PARD3B: variants seen among roughly 807,000 people sequenced by gnomAD.
The protein encoded by PARD3B is partitioning defective 3 homolog B.
PARD3B carries 103 observed loss-of-function variants against 130.2 expected under a neutral mutation model. That is an observed-to-expected ratio of 0.79 (90% CI 0.67 to 0.93). The LOEUF (loss-of-function observed/expected upper bound fraction) is 0.93, where lower values mean the gene tolerates loss of function less well. PARD3B is among the 40% of genes least tolerant of loss of function. PARD3B has a pLI of 0.00. For missense variants in PARD3B, 1,609 were observed against 1,499.2 expected, an observed-to-expected ratio of 1.07 and a Z score of -1.21; for synonymous variants, 583 against 553.2, an observed-to-expected ratio of 1.05 and a Z score of -0.76.
intron 16 of PARD3B, among the ~76,000 whole-genome samples, chr2:205,248,182 A>G (rs1204736114): frequency 6.6e-6 from 1 of 152,028 alleles, no homozygotes; most frequent in African/African-American, 2.4e-5. Flanking sequence ...GGCTCAAGCA[A>G]TCCACCTGCC....
chr2:205,037,230 G>A (rs1245995489), intron 3 of PARD3B, among the ~76,000 whole-genome samples: 1 of 147,310 alleles, frequency 6.8e-6, no homozygotes, highest in Non-Finnish European at 1.5e-5. Context: ...TATGTATATA[G>A]TGGACTGTGT....
chr2:204,849,380 T>C (rs2044612148), intron 2 of PARD3B, among the ~76,000 whole-genome samples: 2 of 152,224 alleles, frequency 1.3e-5, no homozygotes, highest in African/African-American at 4.8e-5. Context: ...CTAACAGCCA[T>C]TCAGCATTGC....
chr2:205,234,555 A>C (rs2038978741), intron 15 of PARD3B, among the ~76,000 whole-genome samples: 1 of 152,228 alleles, frequency 6.6e-6, no homozygotes. Context: ...AAAATACATC[A>C]AACAACAGGA....
chr2:205,493,286 G>A (rs140068935), intron 20 of PARD3B, among the ~76,000 whole-genome samples: 1 of 152,174 alleles, frequency 6.6e-6, no homozygotes, highest in East Asian at 1.9e-4. Flanking sequence ...AAGCTGGGAT[G>A]ATTTTTAGCT....
intron 18 of PARD3B, among the ~76,000 whole-genome samples, chr2:205,376,471 C>CCAAG (rs2045058756): frequency 2.8e-5 from 4 of 144,570 alleles, no homozygotes; most frequent in Admixed American, 2.7e-4. Flanking sequence ...TGGGAGAAGC[C>CCAAG]CAAGCAAACA....
chr2:204,742,428 A>C (rs1490570056), intron 2 of PARD3B, among the ~76,000 whole-genome samples: 1 of 152,140 alleles, frequency 6.6e-6, no homozygotes, highest in Non-Finnish European at 1.5e-5. Context: ...GATGGGCAAG[A>C]GATGTGAAGA....
chr2:204,835,443 C>T (rs1255501956), intron 2 of PARD3B, among the ~76,000 whole-genome samples: 4 of 152,136 alleles, frequency 2.6e-5, no homozygotes, highest in Non-Finnish European at 5.9e-5. Flanking sequence ...ATTGATCCCT[C>T]CCTGCCCCTC....
At chr2:205,156,713 A>T (rs1029325599) in intron 10 of PARD3B, among the ~76,000 whole-genome samples, 1 of 152,170 alleles carries the variant, frequency 6.6e-6, no homozygotes, top group African/African-American at 2.4e-5. Context: ...GTTGTGAAGC[A>T]TAAGTGTATT....
At chr2:205,129,015 A>G (rs768931502) in intron 10 of PARD3B, among the ~76,000 whole-genome samples, 2 of 152,224 alleles carry the variant, frequency 1.3e-5, no homozygotes, top group Non-Finnish European at 2.9e-5. Flanking sequence ...TGCAACTGTG[A>G]GATTATGAGT....
chr2:205,572,508 G>A lies in PARD3B; in HGVS notation c.3260+19105G>A, dbSNP rs567462031. Among the ~76,000 whole-genome samples the A allele has an allele frequency of 6.6e-6, 1 of 152,304 alleles. No individual in the cohort carries two copies. Among genetic ancestry groups the A allele is most frequent in the East Asian group, 1.9e-4 (1 of 5,182 alleles). Reference sequence around the variant, plus strand: ...GCCTGTAATCCCAGCACTTTGGGAGGCCAAGGCAGGCGGATTGCCTGAGCT... The same window carrying A: ...GCCTGTAATCCCAGCACTTTGGGAGACCAAGGCAGGCGGATTGCCTGAGCT... On this transcript the variant is annotated intron_variant, in intron 22 of 22. Transcript: ENST00000406610. The surrounding 1 kb of genome is among the most constrained non-coding windows in gnomAD (Gnocchi z 4.2).
intron 2 of PARD3B, among the ~76,000 whole-genome samples, chr2:204,872,774 C>T (rs2045678219): frequency 6.6e-6 from 1 of 152,146 alleles, no homozygotes; most frequent in Admixed American, 6.5e-5. Context: ...GCAGATACTA[C>T]ATAAACCAAA....
chr2:205,590,080 T>A lies in PARD3B; in HGVS notation c.3261-25376T>A, dbSNP rs2054330304. Among the ~76,000 whole-genome samples the A allele has an allele frequency of 6.6e-6, 1 of 152,184 alleles. No individual in the cohort carries two copies. Among genetic ancestry groups the A allele is most frequent in the Non-Finnish European group, 1.5e-5 (1 of 68,038 alleles). On this transcript the variant is annotated intron_variant, in intron 22 of 22. Transcript: ENST00000406610. The surrounding 1 kb of genome is among the most constrained non-coding windows in gnomAD (Gnocchi z 4.1). ...TTACATTCATACCTATTGGTATGAA[T>A]ATACCAACACATGAATGTACACATG...
chr2:204,951,456 A>C (rs1335511586), intron 2 of PARD3B, among the ~76,000 whole-genome samples: 2 of 152,110 alleles, frequency 1.3e-5, no homozygotes, highest in Non-Finnish European at 2.9e-5. Flanking sequence ...TCCTAACTGT[A>C]TTACCATCTG....
At chr2:205,033,020 C>G (rs563055727) in intron 3 of PARD3B, among the ~76,000 whole-genome samples, 1 of 152,286 alleles carries the variant, frequency 6.6e-6, no homozygotes, top group East Asian at 1.9e-4. Context: ...TCATTTCTCC[C>G]TTTCTCTTCT....
chr2:205,081,408 A>G (rs1701394764), intron 4 of PARD3B, among the ~76,000 whole-genome samples: 1 of 152,074 alleles, frequency 6.6e-6, no homozygotes. Flanking sequence ...TTTCTAGTCT[A>G]TGCCATTGTC....
At chr2:204,558,865 C>T (rs1434623581) in intron 1 of PARD3B, among the ~76,000 whole-genome samples, 3 of 152,134 alleles carry the variant, frequency 2.0e-5, no homozygotes, top group Non-Finnish European at 4.4e-5. Flanking sequence ...TGGAACGGAA[C>T]AGAGGCCTCA....
intron 2 of PARD3B, among the ~76,000 whole-genome samples, chr2:204,808,202 C>CT (rs896226436): frequency 1.3e-5 from 2 of 151,814 alleles, no homozygotes; most frequent in East Asian, 1.9e-4. Context: ...CATTTCTATT[C>CT]TTTTTTTACT....
chr2:205,433,968 T>C lies in PARD3B; in HGVS notation c.2742-6402T>C, dbSNP rs141910495. On this transcript the variant is annotated intron_variant, in intron 19 of 22. Coordinates refer to ENST00000406610, the MANE Select transcript of PARD3B (RefSeq NM_001302769.2). ...GATGAATAAAGCTGCTACTGAACAC[T>C]CTTCGTGGATTTTTGGTAAACATAT... 6.2e-3 allele frequency among the ~76,000 whole-genome samples: 946 copies of C among 152,330 alleles called. 11 individuals carry two copies. Among genetic ancestry groups the C allele is most frequent in the African/African-American group, 0.021 (893 of 41,576 alleles).
rs1486792165 is a variant in PARD3B at position 205,241,296 on chromosome 2, T to C, written c.2141-4482T>C. ...ATGTACATCAATCTTGAATTGAATA[T>C]GAGGAAGCATGAGGTTAGTCTAGAA... On this transcript the variant is annotated intron_variant, in intron 15 of 22. Transcript: ENST00000406610. The surrounding 1 kb of genome is among the most constrained non-coding windows in gnomAD (Gnocchi z 4.2). Among the ~76,000 whole-genome samples the C allele has an allele frequency of 2.0e-5, 3 of 152,138 alleles. No individual in the cohort carries two copies. The highest frequency in any genetic ancestry group is 2.9e-5 in the Non-Finnish European group (2 of 68,000).
Sources: allele counts gnomAD v4.1 joint callset (sites outside exome capture counted in the v4.1 genomes callset), GRCh38; gene constraint gnomAD v4.1.1; non-coding constraint Gnocchi (gnomAD v3.1); transcripts MANE v1.5; gene names NCBI Gene and HGNC (gene_info 2026-07-23, HGNC 2026-07-21).